GREB1L: variants seen among roughly 807,000 people sequenced by gnomAD.
The protein encoded by GREB1L is GREB1-like protein.
Under a neutral mutation model 200.8 loss-of-function variants are expected in GREB1L, and 17 were observed. The ratio of observed to expected loss-of-function variants is 0.08; its 90% CI spans 0.06 to 0.13. GREB1L has a LOEUF of 0.13. Among genes scored for constraint, GREB1L ranks in the 10% least tolerant of loss-of-function variants. The pLI is 1.00. For synonymous variants in GREB1L, 789 were observed against 893.0 expected, an observed-to-expected ratio of 0.88 and a Z score of 2.08; for missense variants, 1,657 against 2,367.7, an observed-to-expected ratio of 0.70 and a Z score of 6.23.
intron 17 of GREB1L, among the ~76,000 whole-genome samples, chr18:21,481,401 T>C (rs2035907321): frequency 6.6e-6 from 1 of 151,640 alleles, no homozygotes; most frequent in Non-Finnish European, 1.5e-5. Flanking sequence ...ATACTTATTA[T>C]ACAGGCATTA....
chr18:21,523,976 G>A lies in GREB1L; in HGVS notation c.*1155G>A, dbSNP rs2037644744. On this transcript the variant is annotated 3_prime_UTR_variant, in exon 33 of 33. Coordinates refer to ENST00000424526, the MANE Select transcript of GREB1L (RefSeq NM_001142966.3). ...CCAGTATCGGCAATGGGAGGCATAT[G>A]TTTCTACAGATTTCTCAAATATTTT... 6.6e-6 allele frequency: 1 copy of A among 152,198 alleles called. No individual in the cohort carries two copies. Among genetic ancestry groups the A allele is most frequent in the African/African-American group, 2.4e-5 (1 of 41,460 alleles). The allele number at this position is 152,198 out of a possible 1,614,324, so 9.4% of individuals were successfully genotyped here.
At chr18:21,373,992 A>G (rs2039976561) in intron 2 of GREB1L, among the ~76,000 whole-genome samples, 1 of 150,954 alleles carries the variant, frequency 6.6e-6, no homozygotes, top group Non-Finnish European at 1.5e-5. Context: ...GTCTTCTAAC[A>G]TGCTTCATTA....
chr18:21,288,356 A>G (rs371772401), intron 1 of GREB1L, among the ~76,000 whole-genome samples: 22 of 152,234 alleles, frequency 1.4e-4, no homozygotes, highest in East Asian at 3.9e-4. Context: ...TCTGGTGTGA[A>G]CACATTTGTG....
chr18:21,502,684 G>A (rs925377862), intron 23 of GREB1L, among the ~76,000 whole-genome samples: 2 of 151,880 alleles, frequency 1.3e-5, no homozygotes, highest in Non-Finnish European at 2.9e-5. Context: ...CTAGATCGTC[G>A]GGCCCACCAG....
intron 11 of GREB1L, among the ~76,000 whole-genome samples, chr18:21,446,564 A>G (rs925152995): frequency 1.3e-5 from 2 of 152,208 alleles, no homozygotes; most frequent in African/African-American, 2.4e-5. Flanking sequence ...CTCGATATAC[A>G]TGAATAGCTA....
intron 7 of GREB1L, among the ~76,000 whole-genome samples, chr18:21,428,571 T>G (rs566181731): frequency 6.6e-6 from 1 of 151,720 alleles, no homozygotes; most frequent in East Asian, 1.9e-4. Flanking sequence ...AGCGATAGAT[T>G]TTCATATGTT....
At chr18:21,466,131 C>T (rs2035254091) in intron 15 of GREB1L, among the ~76,000 whole-genome samples, 1 of 152,102 alleles carries the variant, frequency 6.6e-6, no homozygotes, top group South Asian at 2.1e-4. Flanking sequence ...GTAATTCATT[C>T]ATTTTACTGA....
intron 1 of GREB1L, among the ~76,000 whole-genome samples, chr18:21,344,403 A>AAACAACAACAACAACAAC (rs146104394): frequency 0.054 from 8,077 of 150,286 alleles, 339 homozygotes; most frequent in Admixed American, 0.11. Context: ...TCTGTCTCAA[A>AAACAACAACAACAACAAC]AACAACAACA....
chr18:21,278,048 T>C (rs1047689645), intron 1 of GREB1L, among the ~76,000 whole-genome samples: 3 of 152,078 alleles, frequency 2.0e-5, no homozygotes, highest in Non-Finnish European at 2.9e-5. Context: ...TTTTATTTAG[T>C]GTTGAAGCCA....
chr18:21,471,494 T>C (rs1330532177), intron 15 of GREB1L, among the ~76,000 whole-genome samples: 4 of 152,174 alleles, frequency 2.6e-5, no homozygotes, highest in Admixed American at 6.5e-5. Flanking sequence ...ATGAACTCCA[T>C]GAGATTTAGA....
intron 32 of GREB1L, 30 bp downstream of exon 32, chr18:21,520,853 T>C (rs2037580245): frequency 6.6e-7 from 1 of 1,509,476 alleles, no homozygotes; most frequent in Admixed American, 2.2e-5. Context: ...TTGCTTGTAA[T>C]TGCTATTGGT....
Position 21,495,768 on chromosome 18 carries a change from T to C in GREB1L, c.3129T>C (p.Leu1043=). ...CIVILTGKDP[L]GETFPRSLKY... The stretch of plus-strand genomic sequence containing the variant: ...TGATATTAACTGGCAAAGATCCTCT[T>C]GGAGAAACCTTTCCCAGGTACAGTT... Residue 1043 remains leucine (L), a synonymous_variant, in exon 20 of 33, where the codon CTT becomes CTC. Transcript: ENST00000424526. The C allele has an allele frequency of 6.6e-7, 1 of 1,525,412 alleles. No homozygotes were observed. The highest frequency in any genetic ancestry group is 8.9e-7 in the Non-Finnish European group (1 of 1,126,690). 94.5% of individuals were successfully genotyped at this position (1,525,412 alleles called of 1,614,324 possible).
rs116385440 is a variant in GREB1L, at chr18:21,437,429, G to A, written c.833-2092G>A. On this transcript the variant is annotated intron_variant, in intron 7 of 32. Coordinates refer to ENST00000424526, the MANE Select transcript of GREB1L (RefSeq NM_001142966.3). ...GGTTACTAAAGCGATCAGATGAAAG[G>A]CTGAACAACTTTATAATGCCAAGGA... Among the ~76,000 whole-genome samples the A allele has an allele frequency of 2.7e-3, 418 of 152,230 alleles. 2 individuals are homozygous for A. The highest frequency in any genetic ancestry group is 9.6e-3 in the African/African-American group (399 of 41,518).
At chr18:21,334,454 CA>C (rs2039154715) in intron 1 of GREB1L, among the ~76,000 whole-genome samples, 1 of 151,940 alleles carries the variant, frequency 6.6e-6, no homozygotes, top group Non-Finnish European at 1.5e-5. Context: ...AATAAAAGTC[CA>C]AAAAAGTTTT....
At chr18:21,522,083 C>A (rs1458618896) in intron 32 of GREB1L, among the ~76,000 whole-genome samples, 1 of 150,498 alleles carries the variant, frequency 6.6e-6, no homozygotes, top group East Asian at 2.0e-4. Context: ...GGTTCAGAAA[C>A]CCTAATCTAG....
rs1475751563 is a variant in GREB1L, at chr18:21,490,281, G to T, written c.2960G>T (p.Arg987Leu). The change falls in exon 19 of 33, where the codon CGG (arginine) becomes CTG (leucine). Residue 987 changes from arginine to leucine, a missense_variant. Coordinates refer to ENST00000424526, the MANE Select transcript of GREB1L (RefSeq NM_001142966.3). ...EVRDKLGLQY[R>L]FEIILGNPAT... ...CGCGACAAACTGGGTCTGCAGTATC[G>T]GTTTGAGATCATCCTTGGGAACCCG... The T allele has an allele frequency of 1.3e-6, 2 of 1,551,708 alleles. No homozygotes were observed. The highest frequency in any genetic ancestry group is 1.4e-5 in the African/African-American group (1 of 73,028).
chr18:21,385,005 GA>G (rs1013328281), intron 4 of GREB1L, among the ~76,000 whole-genome samples: 5 of 152,050 alleles, frequency 3.3e-5, no homozygotes, highest in African/African-American at 1.2e-4. Context: ...CACTTTACAA[GA>G]AAATCCTAGT....
intron 7 of GREB1L, among the ~76,000 whole-genome samples, chr18:21,414,114 T>C (rs1471265619): frequency 6.6e-6 from 1 of 152,232 alleles, no homozygotes; most frequent in African/African-American, 2.4e-5. Context: ...AGATATTCAC[T>C]GCAGTTCCCT....
chr18:21,401,586 ACT>A (rs1168646311), intron 6 of GREB1L, among the ~76,000 whole-genome samples: 1 of 151,928 alleles, frequency 6.6e-6, no homozygotes, highest in Non-Finnish European at 1.5e-5. Flanking sequence ...GGAAAAATGG[ACT>A]CTTTCCAGCT....
Sources: gnomAD v4.1 joint callset for allele counts (sites outside exome capture counted in the v4.1 genomes callset) on GRCh38, gnomAD v4.1.1 for gene constraint, MANE v1.5 for transcripts, NCBI Gene and HGNC (gene_info 2026-07-23, HGNC 2026-07-21) for gene names.